Variants in MAGI2 observed in about 807,000 individuals in gnomAD.
The protein encoded by MAGI2 is membrane associated guanylate kinase, WW and PDZ domain containing 2, also known as membrane-associated guanylate kinase, WW and PDZ domain-containing protein 2.
A neutral mutation model predicts 133.3 loss-of-function variants in MAGI2; 35 were observed. That is an observed-to-expected ratio of 0.26 (90% CI 0.20 to 0.35). The LOEUF (loss-of-function observed/expected upper bound fraction) is 0.35, where lower values mean the gene tolerates loss of function less well. Among genes scored for constraint, MAGI2 ranks in the 10% least tolerant of loss-of-function variants. The probability of loss-of-function intolerance (pLI) is 1.00; values close to 1 mark genes in which losing one functional copy is unlikely to be tolerated. For missense variants in MAGI2, 1,636 were observed against 1,863.4 expected, an observed-to-expected ratio of 0.88 and a Z score of 2.25; for synonymous variants, 729 against 710.6, an observed-to-expected ratio of 1.03 and a Z score of -0.41.
intron 6 of MAGI2, among the ~76,000 whole-genome samples, chr7:78,437,859 C>A (rs1413693798): frequency 6.6e-6 from 1 of 152,082 alleles, no homozygotes; most frequent in African/African-American, 2.4e-5. Context: ...CAAATATAAC[C>A]TTTAGAATAT....
chr7:78,020,039 C>A, intron 21 of MAGI2, 63 bp from the exon 22 acceptor site: 1 of 1,414,104 alleles, frequency 7.1e-7, no homozygotes, highest in Non-Finnish European at 9.5e-7. Flanking sequence ...GCCCTCTCTA[C>A]GCCGGGGACA....
chr7:79,076,179 G>T (rs1003070084), intron 1 of MAGI2, among the ~76,000 whole-genome samples: 1 of 152,162 alleles, frequency 6.6e-6, no homozygotes, highest in African/African-American at 2.4e-5. Context: ...TGACATAAAA[G>T]CCATCTCAAA....
At chr7:78,487,204 A>T (rs1369994419) in intron 6 of MAGI2, 1 of 242,812 alleles carries the variant, frequency 4.1e-6, no homozygotes, top group Non-Finnish European at 8.2e-6. Context: ...AAAATACCAA[A>T]TAGCATTGCT....
At chr7:78,366,660 C>T (rs894369891) in intron 7 of MAGI2, among the ~76,000 whole-genome samples, 5 of 152,130 alleles carry the variant, frequency 3.3e-5, no homozygotes, top group African/African-American at 9.7e-5. Flanking sequence ...GTAATGTATA[C>T]ATCATATACA....
At chr7:79,223,429 ACAGTCACTGAC>A (rs572959243) in intron 1 of MAGI2, among the ~76,000 whole-genome samples, 1 of 152,110 alleles carries the variant, frequency 6.6e-6, no homozygotes, top group South Asian at 2.1e-4. Flanking sequence ...CAGTGAGGAA[ACAGTCACTGAC>A]CACCAGAAAT....
At chr7:78,499,600 C>G (rs1275379596) in intron 5 of MAGI2, among the ~76,000 whole-genome samples, 1 of 152,204 alleles carries the variant, frequency 6.6e-6, no homozygotes, top group African/African-American at 2.4e-5. Context: ...TTCACAACCT[C>G]AAAACCTGAT....
intron 1 of MAGI2, among the ~76,000 whole-genome samples, chr7:79,268,902 A>G (rs1261047230): frequency 6.6e-6 from 1 of 152,186 alleles, no homozygotes; most frequent in Non-Finnish European, 1.5e-5. Context: ...TATTAGCCCT[A>G]TTAGCTCCCA....
intron 12 of MAGI2, among the ~76,000 whole-genome samples, chr7:78,189,242 A>C (rs1225721406): frequency 6.6e-6 from 1 of 152,236 alleles, no homozygotes; most frequent in Non-Finnish European, 1.5e-5. Flanking sequence ...ACAGCCATAG[A>C]TGTGAAAAAC....
At chr7:78,432,020 ATACT>A (rs769956750) in intron 6 of MAGI2, among the ~76,000 whole-genome samples, 27 of 152,034 alleles carry the variant, frequency 1.8e-4, no homozygotes, top group Non-Finnish European at 3.8e-4. Context: ...AAGCGTTCAA[ATACT>A]TAATTTAAAG....
chr7:79,088,881 A>T (rs1237669847), intron 1 of MAGI2, among the ~76,000 whole-genome samples: 2 of 152,024 alleles, frequency 1.3e-5, no homozygotes, highest in Admixed American at 1.3e-4. Context: ...TTCAGGACAT[A>T]GGCATGGGCA....
At chr7:78,443,651 A>G (rs1787842514) in intron 6 of MAGI2, among the ~76,000 whole-genome samples, 1 of 152,158 alleles carries the variant, frequency 6.6e-6, no homozygotes, top group Admixed American at 6.6e-5. Context: ...GAAAATCACT[A>G]GGTATCTTCT....
intron 21 of MAGI2, chr7:78,035,306 T>C (rs1449061044): frequency 1.3e-5 from 2 of 153,310 alleles, no homozygotes; most frequent in Admixed American, 6.6e-5. Flanking sequence ...CTGAGATGTG[T>C]GGAGGTGGCG....
At chr7:78,202,848 T>C (rs1227324368) in intron 10 of MAGI2, among the ~76,000 whole-genome samples, 1 of 152,194 alleles carries the variant, frequency 6.6e-6, no homozygotes, top group East Asian at 1.9e-4. Flanking sequence ...TCACTATTTC[T>C]CTTTCCAATT....
At chr7:78,813,569 AG>A (rs1224729533) in intron 2 of MAGI2, among the ~76,000 whole-genome samples, 2 of 152,152 alleles carry the variant, frequency 1.3e-5, no homozygotes, top group African/African-American at 4.8e-5. Context: ...GCGGATCACG[AG>A]GTCAGGAGAT....
intron 3 of MAGI2, among the ~76,000 whole-genome samples, chr7:78,597,385 G>T (rs10231539): frequency 2.2e-5 from 3 of 136,140 alleles, no homozygotes; most frequent in Admixed American, 7.5e-5. Context: ...GGGGGGGGGG[G>T]TCTTATAAAT....
At chr7:79,052,739 A>T (rs1348312326) in intron 1 of MAGI2, among the ~76,000 whole-genome samples, 1 of 152,238 alleles carries the variant, frequency 6.6e-6, no homozygotes, top group Non-Finnish European at 1.5e-5. Flanking sequence ...ATATTTACAC[A>T]TTATAAGACT....
At chr7:78,894,010 C>G (rs76281979) in intron 2 of MAGI2, among the ~76,000 whole-genome samples, 6,155 of 152,202 alleles carry the variant, frequency 0.04, 339 homozygotes, top group African/African-American at 0.12. Context: ...AATGCAAGAA[C>G]TGGGACATGA....
Position 78,310,366 on chromosome 7 carries a change from C to T in MAGI2, c.1408+33412G>A, listed in dbSNP as rs565032188. Among the ~76,000 whole-genome samples the T allele has an allele frequency of 1.1e-4, 16 of 152,238 alleles. No homozygotes were observed. The East Asian group carries it at 2.5e-3, about 24-fold the overall frequency. ...AGGAGAATCACTTGAACCCGGCAGG[C>T]GGGGGTTGCAGTGAGCTGAGATCAC... On this transcript the variant is annotated intron_variant, in intron 9 of 21. Transcript: ENST00000354212.
intron 17 of MAGI2, 108 bp downstream of exon 17, chr7:78,134,913 G>T: frequency 1.1e-6 from 1 of 906,940 alleles, no homozygotes; most frequent in Non-Finnish European, 1.7e-6. Flanking sequence ...TGACACCACA[G>T]TGACGGCAGG....
Sources: allele counts gnomAD v4.1 joint callset (sites outside exome capture counted in the v4.1 genomes callset), GRCh38; gene constraint gnomAD v4.1.1; transcripts MANE v1.5; gene names NCBI Gene and HGNC (gene_info 2026-07-23, HGNC 2026-07-21).